The following DCC variants were observed in gnomAD, a reference collection of about 807,000 sequenced individuals.
The protein encoded by DCC is netrin receptor DCC.
Under a neutral mutation model 172.5 loss-of-function variants are expected in DCC, and 58 were observed. The ratio of observed to expected loss-of-function variants is 0.34; its 90% CI spans 0.27 to 0.42. The LOEUF (loss-of-function observed/expected upper bound fraction) is 0.42, where lower values mean the gene tolerates loss of function less well. Among genes scored for constraint, DCC ranks in the 10% least tolerant of loss-of-function variants. The pLI is 1.00. For synonymous variants in DCC, 709 were observed against 644.5 expected, an observed-to-expected ratio of 1.10 and a Z score of -1.52; for missense variants, 1,740 against 1,791.0, an observed-to-expected ratio of 0.97 and a Z score of 0.51.
At chr18:52,537,933 A>G (rs1279044169) in intron 1 of DCC, among the ~76,000 whole-genome samples, 15 of 152,148 alleles carry the variant, frequency 9.9e-5, no homozygotes, top group Admixed American at 9.8e-4. Flanking sequence ...CCTTCCCTGC[A>G]GGATTAATTT....
intron 9 of DCC, among the ~76,000 whole-genome samples, chr18:53,182,408 T>C (rs941815090): frequency 2.0e-5 from 3 of 152,204 alleles, no homozygotes; most frequent in Non-Finnish European, 4.4e-5. Context: ...TGATTCTGTT[T>C]CACTGAACAT....
chr18:52,771,158 A>G (rs56999267), intron 2 of DCC, among the ~76,000 whole-genome samples: 32,020 of 152,180 alleles, frequency 0.21, 4,834 homozygotes, highest in African/African-American at 0.42. Context: ...GCGCCCTGGG[A>G]TGGCCCAGCA....
chr18:53,093,333 TTGA>T (rs1422717951), intron 7 of DCC, among the ~76,000 whole-genome samples: 1 of 152,134 alleles, frequency 6.6e-6, no homozygotes, highest in Non-Finnish European at 1.5e-5. Flanking sequence ...AGACTTAATA[TTGA>T]TGATAAAAAT....
intron 7 of DCC, among the ~76,000 whole-genome samples, chr18:53,111,182 A>G (rs1320565273): frequency 6.9e-6 from 1 of 145,890 alleles, no homozygotes; most frequent in Non-Finnish European, 1.5e-5. Flanking sequence ...TCTCGCTCAT[A>G]GGTAGGAATT....
At chr18:53,328,660 G>T (rs1040013559) in intron 14 of DCC, among the ~76,000 whole-genome samples, 1 of 152,000 alleles carries the variant, frequency 6.6e-6, no homozygotes, top group African/African-American at 2.4e-5. Flanking sequence ...TCAGCCTCCT[G>T]AGTAGCTATG....
At chr18:52,803,489 CTG>C (rs752184509) in intron 2 of DCC, among the ~76,000 whole-genome samples, 7 of 152,110 alleles carry the variant, frequency 4.6e-5, no homozygotes, top group East Asian at 1.9e-4. Flanking sequence ...CATGTACTGT[CTG>C]TGCACATTTT....
chr18:53,116,317 C>T (rs746810651), intron 7 of DCC, among the ~76,000 whole-genome samples: 1 of 151,644 alleles, frequency 6.6e-6, no homozygotes, highest in Admixed American at 6.6e-5. Context: ...TTAAATACCC[C>T]CTAGAGGATT....
At chr18:53,363,230 G>T (rs2057967148) in intron 15 of DCC, among the ~76,000 whole-genome samples, 1 of 152,060 alleles carries the variant, frequency 6.6e-6, no homozygotes, top group Admixed American at 6.6e-5. Flanking sequence ...ATACAGCTTT[G>T]AAAAATATCT....
chr18:52,536,676 G>A (rs572234599), intron 1 of DCC, among the ~76,000 whole-genome samples: 1 of 152,112 alleles, frequency 6.6e-6, no homozygotes, highest in African/African-American at 2.4e-5. Context: ...TCCAAAATGA[G>A]TTTGGCAAAA....
At chr18:53,257,962 T>C (rs1463351039) in intron 12 of DCC, among the ~76,000 whole-genome samples, 3 of 152,210 alleles carry the variant, frequency 2.0e-5, no homozygotes, top group East Asian at 3.8e-4. Context: ...GTGGAGGCAT[T>C]TATCCATTTC....
chr18:53,410,891 T>C (rs1026933187), intron 20 of DCC, among the ~76,000 whole-genome samples: 2 of 152,192 alleles, frequency 1.3e-5, no homozygotes, highest in African/African-American at 4.8e-5. Context: ...TAGAAGTTTA[T>C]TGATGTCATG....
intron 1 of DCC, among the ~76,000 whole-genome samples, chr18:52,689,779 T>A (rs1172382844): frequency 6.6e-6 from 1 of 152,116 alleles, no homozygotes; most frequent in Non-Finnish European, 1.5e-5. Context: ...TGGGGTAAAA[T>A]TTCCTTCAAT....
Position 52,530,838 on chromosome 18 carries a change from A to G in DCC, c.91+189960A>G, listed in dbSNP as rs369019515. Reference sequence around the variant, plus strand: ...AGTGGATGAAAAATACTGAGAGGCAAATGAGAGAAGATGCCTATGTCAGCT... The same window carrying G: ...AGTGGATGAAAAATACTGAGAGGCAGATGAGAGAAGATGCCTATGTCAGCT... On this transcript the variant is annotated intron_variant, in intron 1 of 28. Coordinates refer to ENST00000442544, the MANE Select transcript of DCC (RefSeq NM_005215.4). Among the ~76,000 whole-genome samples the G allele has an allele frequency of 1.4e-4, 22 of 152,296 alleles. 2 individuals are homozygous for G. In the East Asian group the frequency reaches 2.7e-3, roughly 19 times the overall value.
At chr18:52,593,751 G>A (rs956065463) in intron 1 of DCC, among the ~76,000 whole-genome samples, 2 of 152,198 alleles carry the variant, frequency 1.3e-5, no homozygotes, top group African/African-American at 2.4e-5. Context: ...AGCTCTATCT[G>A]CTAGATAAGA....
At chr18:52,393,399 G>A (rs927211138) in intron 1 of DCC, among the ~76,000 whole-genome samples, 3 of 152,042 alleles carry the variant, frequency 2.0e-5, no homozygotes, top group African/African-American at 7.2e-5. Context: ...GGACCAATGG[G>A]AGCTTGTAAA....
chr18:53,109,315 A>G (rs980480234), intron 7 of DCC, among the ~76,000 whole-genome samples: 4 of 151,488 alleles, frequency 2.6e-5, no homozygotes, highest in African/African-American at 9.7e-5. Flanking sequence ...ATATTTTATA[A>G]TATTTAATAA....
intron 1 of DCC, among the ~76,000 whole-genome samples, chr18:52,515,660 A>T (rs2031614070): frequency 6.8e-6 from 1 of 148,090 alleles, no homozygotes. Flanking sequence ...ATACAAAAAA[A>T]AATAGGATAT....
At chr18:52,475,900 C>G (rs1044199735) in intron 1 of DCC, among the ~76,000 whole-genome samples, 11 of 152,196 alleles carry the variant, frequency 7.2e-5, no homozygotes, top group African/African-American at 2.7e-4. Context: ...CATTCCAACT[C>G]TAGTCCATCT....
chr18:52,396,585 G>T (rs1177375199), intron 1 of DCC, among the ~76,000 whole-genome samples: 2 of 151,900 alleles, frequency 1.3e-5, no homozygotes, highest in Non-Finnish European at 2.9e-5. Context: ...AAGGCTCTCT[G>T]GTTCAATATT....
Sources: gnomAD v4.1 joint callset for allele counts (sites outside exome capture counted in the v4.1 genomes callset) on GRCh38, gnomAD v4.1.1 for gene constraint, MANE v1.5 for transcripts, NCBI Gene and HGNC (gene_info 2026-07-23, HGNC 2026-07-21) for gene names.